TLK2: variants seen among roughly 807,000 people sequenced by gnomAD.
The protein encoded by TLK2 is serine/threonine-protein kinase tousled-like 2.
TLK2 carries 6 observed loss-of-function variants against 117.3 expected under a neutral mutation model. The ratio of observed to expected loss-of-function variants is 0.05; its 90% CI spans 0.03 to 0.10. The LOEUF is 0.10. TLK2 is among the 10% of genes least tolerant of loss of function. TLK2 has a pLI of 1.00. For synonymous variants in TLK2, 257 were observed against 316.7 expected, an observed-to-expected ratio of 0.81 and a Z score of 2.00; for missense variants, 299 against 901.2, an observed-to-expected ratio of 0.33 and a Z score of 8.56.
At chr17:62,609,844 G>A (rs555135412) in intron 21 of TLK2, among the ~76,000 whole-genome samples, 2 of 152,256 alleles carry the variant, frequency 1.3e-5, no homozygotes, top group Admixed American at 6.5e-5. Flanking sequence ...TAGGTGCAGC[G>A]CTGTGCACCT....
intron 8 of TLK2, among the ~76,000 whole-genome samples, chr17:62,552,661 CCT>C (rs1491588822): frequency 5.4e-5 from 8 of 148,190 alleles, no homozygotes; most frequent in African/African-American, 2.0e-4. Context: ...AAACTGCACA[CCT>C]TTTTTTTTTT....
intron 6 of TLK2, among the ~76,000 whole-genome samples, chr17:62,527,242 C>A (rs1353979409): frequency 2.6e-5 from 4 of 152,180 alleles, no homozygotes; most frequent in Non-Finnish European, 4.4e-5. Context: ...GTCCCTCATA[C>A]CTTGTCAATT....
chr17:62,560,486 A>G lies in TLK2; in HGVS notation c.831+360A>G, dbSNP rs145194643. ...CAATAGTTGCATTTTTGTTTCAGAGATGGCATTTAGAATAACTTATGTATA... is the reference window on the plus strand; with the variant it reads ...CAATAGTTGCATTTTTGTTTCAGAGGTGGCATTTAGAATAACTTATGTATA... On this transcript the variant is annotated intron_variant, in intron 10 of 21. Coordinates refer to ENST00000346027, the MANE Select transcript of TLK2 (RefSeq NM_006852.6). Among the ~76,000 whole-genome samples, 1,007 of 152,198 alleles carry G rather than the reference A, an allele frequency of 6.6e-3. 11 individuals carry two copies. Among genetic ancestry groups the G allele is most frequent in the African/African-American group, 0.023 (960 of 41,534 alleles).
At position 62,540,723 on chromosome 17, in the gene TLK2, A is replaced by G. The variant is rs564572951; in HGVS notation, c.531+4386A>G. Among the ~76,000 whole-genome samples, 25 of 152,074 alleles carry G rather than the reference A, an allele frequency of 1.6e-4. No homozygotes were observed. The East Asian group carries it at 4.8e-3, about 29-fold the overall frequency. On this transcript the variant is annotated intron_variant, in intron 7 of 21. Transcript: ENST00000346027. ...CTGTGTTCAGAATTTTACCACTTCT[A>G]ATTCTCTTCACTACTGCCACTCCAA...
chr17:62,573,691 G>C (rs2080505329), intron 12 of TLK2, among the ~76,000 whole-genome samples: 1 of 152,124 alleles, frequency 6.6e-6, no homozygotes, highest in Non-Finnish European at 1.5e-5. Flanking sequence ...TGCAGGGTGT[G>C]GTACACTAGT....
At chr17:62,545,608 G>T (rs546269366) in intron 7 of TLK2, among the ~76,000 whole-genome samples, 2 of 152,088 alleles carry the variant, frequency 1.3e-5, no homozygotes, top group South Asian at 4.2e-4. Context: ...CAGAACGAGA[G>T]ACTGTCTCAA....
rs200731153 is a variant in TLK2, at chr17:62,614,349, G to A, written c.*1784G>A. 4 of 152,186 alleles carry A rather than the reference G, an allele frequency of 2.6e-5. No homozygotes were observed. The highest frequency in any genetic ancestry group is 2.0e-4 in the Admixed American group (3 of 15,282). The allele number at this position is 152,186 out of a possible 1,614,324, so 9.4% of individuals were successfully genotyped here. On this transcript the variant is annotated 3_prime_UTR_variant, in exon 22 of 22. Coordinates refer to ENST00000346027, the MANE Select transcript of TLK2 (RefSeq NM_006852.6). ...GAACATGTGGTCGCCAGCTTGGAAT[G>A]TTACTGACATATGTGGCGAGGGCTT...
intron 15 of TLK2, among the ~76,000 whole-genome samples, chr17:62,583,764 A>T (rs2081386714): frequency 1.3e-5 from 2 of 151,824 alleles, no homozygotes; most frequent in South Asian, 4.1e-4. Flanking sequence ...TTTTTGGTAG[A>T]GACGGGGTTT....
chr17:62,495,738 A>ATG (rs2073601587), intron 2 of TLK2, among the ~76,000 whole-genome samples: 1 of 150,930 alleles, frequency 6.6e-6, no homozygotes, highest in African/African-American at 2.4e-5. Context: ...GGCTCACTGC[A>ATG]ACCTCTGCCT....
intron 4 of TLK2, among the ~76,000 whole-genome samples, chr17:62,522,561 A>G (rs566737940): frequency 6.6e-6 from 1 of 152,318 alleles, no homozygotes; most frequent in African/African-American, 2.4e-5. Context: ...AAAAGAGGTT[A>G]TGTCAGAGTT....
At chr17:62,570,062 G>A (rs1430196424) in intron 11 of TLK2, among the ~76,000 whole-genome samples, 4 of 152,074 alleles carry the variant, frequency 2.6e-5, no homozygotes, top group Non-Finnish European at 5.9e-5. Context: ...GCGTCTCTGT[G>A]TCTTCTCTTC....
At chr17:62,549,418 A>AAAAAAAAAAAAAAAAAAAAAAG (rs1598512121) in intron 7 of TLK2, among the ~76,000 whole-genome samples, 1 of 8,536 alleles carries the variant, frequency 1.2e-4, no homozygotes, top group Non-Finnish European at 6.2e-4. Flanking sequence ...AAAAAAAAAA[A>AAAAAAAAAAAAAAAAAAAAAAG]AAAAAAAAAA....
At chr17:62,611,439 G>A (rs1383337607) in intron 21 of TLK2, among the ~76,000 whole-genome samples, 1 of 152,126 alleles carries the variant, frequency 6.6e-6, no homozygotes, top group East Asian at 1.9e-4. Flanking sequence ...TTGCTTTTTA[G>A]AGCATTTTTA....
intron 21 of TLK2, among the ~76,000 whole-genome samples, chr17:62,608,871 A>G (rs2083512378): frequency 1.3e-5 from 2 of 152,210 alleles, no homozygotes; most frequent in Admixed American, 1.3e-4. Context: ...CAAAGGAAAC[A>G]TGGAATGGGA....
chr17:62,552,520 G>C, intron 8 of TLK2, 123 bp downstream of exon 8: 1 of 1,495,310 alleles, frequency 6.7e-7, no homozygotes. Flanking sequence ...CATTATTTGT[G>C]TGTATTATAT....
chr17:62,546,578 C>CT (rs1391458795), intron 7 of TLK2, among the ~76,000 whole-genome samples: 3 of 135,672 alleles, frequency 2.2e-5, no homozygotes, highest in African/African-American at 8.3e-5. Flanking sequence ...TTTTTTGAGA[C>CT]TGAGTCTCAC....
chr17:62,479,733 T>C (rs2071389469), intron 1 of TLK2, among the ~76,000 whole-genome samples: 1 of 152,198 alleles, frequency 6.6e-6, no homozygotes, highest in Non-Finnish European at 1.5e-5. Flanking sequence ...CCGCTGGAAT[T>C]AGACGGAGTG....
intron 8 of TLK2, among the ~76,000 whole-genome samples, chr17:62,553,193 G>A (rs2078605849): frequency 1.3e-5 from 2 of 152,098 alleles, no homozygotes; most frequent in Non-Finnish European, 2.9e-5. Context: ...GAGCACATTT[G>A]AATTTTATCT....
chr17:62,513,834 C>T (rs1332951151), intron 2 of TLK2, among the ~76,000 whole-genome samples: 1 of 151,774 alleles, frequency 6.6e-6, no homozygotes, highest in Non-Finnish European at 1.5e-5. Context: ...ATTACAGGCA[C>T]CTGCCACCAC....
Sources: gnomAD v4.1 joint callset for allele counts (sites outside exome capture counted in the v4.1 genomes callset) on GRCh38, gnomAD v4.1.1 for gene constraint, MANE v1.5 for transcripts, NCBI Gene and HGNC (gene_info 2026-07-23, HGNC 2026-07-21) for gene names.